GNPTAB: variants seen among roughly 807,000 people sequenced by gnomAD.
GNPTAB encodes the protein N-acetylglucosamine-1-phosphate transferase subunits alpha and beta.
In GNPTAB, 92 loss-of-function variants were observed where a neutral mutation model predicts 136.6. The ratio of observed to expected loss-of-function variants is 0.67; its 90% CI spans 0.57 to 0.80. The LOEUF is 0.80. GNPTAB is among the 30% of genes least tolerant of loss of function. The pLI is 0.00. For missense variants in GNPTAB, 1,343 were observed against 1,501.8 expected, an observed-to-expected ratio of 0.89 and a Z score of 1.75; for synonymous variants, 512 against 535.1, an observed-to-expected ratio of 0.96 and a Z score of 0.60.
rs769293566 is a variant in GNPTAB at position 101,766,294 on chromosome 12, C to G, written c.1409G>C (p.Gly470Ala). Reference sequence around the variant, plus strand: ...AATATAGCGACTCCCTCCACTGTTTCCTGTAGATCGGAGGAAGAAGAGGGA... The same window carrying G: ...AATATAGCGACTCCCTCCACTGTTTGCTGTAGATCGGAGGAAGAAGAGGGA... ...ACDWDGGDCS[G>A]NSGGSRYIAG... Residue 470 changes from glycine to alanine, a missense_variant and splice_region_variant, in exon 12 of 21, where the codon GGA becomes GCA. Gly to Ala is a moderately conservative substitution (Grantham distance 60, BLOSUM62 0). Coordinates refer to ENST00000299314, the MANE Select transcript of GNPTAB (RefSeq NM_024312.5). 2.5e-6 allele frequency: 4 copies of G among 1,612,782 alleles called. No homozygotes were observed. The South Asian group carries it at 3.3e-5, about 13-fold the overall frequency.
rs1267811873 is a variant in GNPTAB at position 101,780,189 on chromosome 12, G to A, written c.734C>T (p.Thr245Ile). 3.7e-6 allele frequency: 6 copies of A among 1,613,710 alleles called. No homozygotes were observed. Among genetic ancestry groups the A allele is most frequent in the Non-Finnish European group, 5.1e-6 (6 of 1,179,638 alleles). ...AGAGGAAAGATTTTCTGGCAATTTT[G>A]TTTTTAGTTGATTTGTTTCCTTGAA... ...PTFKETNQLKTKLPENLSSKV... is the reference protein window; with the variant it reads ...PTFKETNQLKIKLPENLSSKV... The change falls in exon 7 of 21, where the codon ACA becomes ATA. Residue 245 changes from threonine (T) to isoleucine (I), a missense_variant. Transcript: ENST00000299314.
chr12:101,779,807 G>A (rs1566082467), intron 7 of GNPTAB: 3 of 324,964 alleles, frequency 9.2e-6, no homozygotes, highest in Non-Finnish European at 1.8e-5. Context: ...AGACATTGTA[G>A]GAGCTCGTCT....
At chr12:101,795,697 G>A (rs1310637386) in intron 2 of GNPTAB, among the ~76,000 whole-genome samples, 1 of 151,788 alleles carries the variant, frequency 6.6e-6, no homozygotes, top group Non-Finnish European at 1.5e-5. Flanking sequence ...AGGTTGCAGT[G>A]AGCCGAAATC....
Position 101,765,087 on chromosome 12 carries a change from T to G in GNPTAB, c.1830A>C (p.Thr610=), listed in dbSNP as rs769434316. 5 of 1,614,186 alleles carry G rather than the reference T, an allele frequency of 3.1e-6. No homozygotes were observed. Among genetic ancestry groups the G allele is most frequent in the Non-Finnish European group, 4.2e-6 (5 of 1,179,996 alleles). Residue 610 remains threonine, a synonymous_variant, in exon 13 of 21, where the codon ACA becomes ACC. Transcript: ENST00000299314. The part of the protein sequence containing the change: ...LIMHSGMNAT[T]IHFNLTFQNT... ...TTTGAAACGTGAGATTAAAATGTAT[T>G]GTGGTGGCATTCATTCCACTGTGCA...
At chr12:101,789,681 A>C (rs1181269721) in intron 3 of GNPTAB, among the ~76,000 whole-genome samples, 2 of 152,120 alleles carry the variant, frequency 1.3e-5, no homozygotes, top group Non-Finnish European at 2.9e-5. Context: ...ATGAAGTCTC[A>C]CTATGTTGCC....
In GNPTAB at chr12:101,823,085, G is replaced by C. The variant is rs113208526; in HGVS notation, c.117+7474C>G. ...ATAAGCATAACTGGGACCAATGCCA[G>C]GAAAGGACTGCTGAGGTCCTGGGTC... is the stretch of plus-strand genomic sequence containing the variant. On this transcript the variant is annotated intron_variant, in intron 1 of 20. Transcript: ENST00000299314. Among the ~76,000 whole-genome samples, 408 of 152,330 alleles carry C rather than the reference G, an allele frequency of 2.7e-3. 2 individuals are homozygous for C. The highest frequency in any genetic ancestry group is 9.6e-3 in the African/African-American group (398 of 41,580).
chr12:101,777,068 T>C (rs1953271720), intron 7 of GNPTAB, among the ~76,000 whole-genome samples: 1 of 152,236 alleles, frequency 6.6e-6, no homozygotes, highest in Admixed American at 6.5e-5. Context: ...GTGTGGTTAA[T>C]TCCATCACTT....
At chr12:101,771,192 C>G (rs1381205190) in intron 7 of GNPTAB, 35 bp from the exon 8 acceptor site, 1 of 1,571,018 alleles carries the variant, frequency 6.4e-7, no homozygotes, top group East Asian at 2.2e-5. Flanking sequence ...CATGAAAAGA[C>G]TGAATCTCAA....
chr12:101,790,032 C>G lies in GNPTAB; in HGVS notation c.229G>C (p.Val77Leu), dbSNP rs985184620. The part of the protein sequence containing the change: ...NRLCLPMPID[V>L]VYTWVNGTDL... ...GTGCCATTCACCCAGGTGTAAACAACGTCAATCGGCATGGGCAGACAAAGC... is the reference window on the plus strand; with the variant it reads ...GTGCCATTCACCCAGGTGTAAACAAGGTCAATCGGCATGGGCAGACAAAGC... The change falls in exon 3 of 21, where the codon GTT becomes CTT. Residue 77 changes from valine (V) to leucine (L), a missense_variant. By Grantham distance (32) the Val-to-Leu change is conservative. Coordinates refer to ENST00000299314, the MANE Select transcript of GNPTAB (RefSeq NM_024312.5). 3 of 1,614,162 alleles carry G rather than the reference C, an allele frequency of 1.9e-6. No individual in the cohort carries two copies. Among genetic ancestry groups the G allele is most frequent in the Non-Finnish European group, 2.5e-6 (3 of 1,179,998 alleles).
At position 101,813,631 on chromosome 12, in the gene GNPTAB, G is replaced by A. The variant is rs12319886; in HGVS notation, c.118-16869C>T. Among the ~76,000 whole-genome samples the A allele has an allele frequency of 3.6e-3, 553 of 152,224 alleles. 3 individuals are homozygous for A. The highest frequency in any genetic ancestry group is 0.013 in the African/African-American group (531 of 41,518). On this transcript the variant is annotated intron_variant, in intron 1 of 20. Coordinates refer to ENST00000299314, the MANE Select transcript of GNPTAB (RefSeq NM_024312.5). Reference sequence around the variant, plus strand: ...ATACAATATATTTCTTTTTTCTAACGTATGTTTCTTGTTAAATACTAGGAA... The same window carrying A: ...ATACAATATATTTCTTTTTTCTAACATATGTTTCTTGTTAAATACTAGGAA...
In GNPTAB at chr12:101,774,194, T is replaced by C. The variant is rs139470704; in HGVS notation, c.772-3037A>G. Reference sequence around the variant, plus strand: ...GGGTAGGCTACAACGACTGAGCAACTGGTGGATCAATTTGAGTCAAGGAAA... The same window carrying C: ...GGGTAGGCTACAACGACTGAGCAACCGGTGGATCAATTTGAGTCAAGGAAA... On this transcript the variant is annotated intron_variant, in intron 7 of 20. Transcript: ENST00000299314. Among the ~76,000 whole-genome samples the C allele has an allele frequency of 2.8e-4, 42 of 152,260 alleles. 2 individuals carry two copies. The East Asian group carries it at 6.8e-3, about 25-fold the overall frequency.
At chr12:101,829,447 T>C (rs1268079374) in intron 1 of GNPTAB, among the ~76,000 whole-genome samples, 4 of 152,176 alleles carry the variant, frequency 2.6e-5, no homozygotes, top group African/African-American at 9.7e-5. Context: ...ATGGAGCCAC[T>C]GCATTCCAGC....
chr12:101,795,817 T>C (rs1349369032), intron 2 of GNPTAB: 1 of 155,092 alleles, frequency 6.4e-6, no homozygotes, highest in Non-Finnish European at 1.4e-5. Flanking sequence ...AATTACTACA[T>C]TTTCTAAAAT....
intron 1 of GNPTAB, among the ~76,000 whole-genome samples, chr12:101,825,404 T>A (rs1031013304): frequency 2.0e-5 from 3 of 152,194 alleles, no homozygotes; most frequent in African/African-American, 7.2e-5. Flanking sequence ...AAAAGGGAAC[T>A]ATAAACGCTA....
intron 1 of GNPTAB, among the ~76,000 whole-genome samples, chr12:101,827,453 GTCCAACTCCTGACTTCAAGCAATCC>G (rs1871149781): frequency 6.6e-6 from 1 of 151,462 alleles, no homozygotes. Flanking sequence ...TCCCAGGCTT[GTCCAACTCCTGACTTCAAGCAATCC>G]TCCAGCCTTA....
In GNPTAB at chr12:101,749,123, ATAG is replaced by A. The variant is rs780241552; in HGVS notation, c.3668_3670del (p.Thr1223del). The A allele has an allele frequency of 6.2e-7, 1 of 1,608,776 alleles. No homozygotes were observed. Among genetic ancestry groups the A allele is most frequent in the Non-Finnish European group, 8.5e-7 (1 of 1,175,318 alleles). ...TACCTGCTCAGCAAAAAATGAGAAT[ATAG>A]TAAACATAATCAATGTTGCTAGTAC... On this transcript the variant is annotated inframe_deletion, in exon 20 of 21. Transcript: ENST00000299314.
chr12:101,765,302 G>C lies in GNPTAB; in HGVS notation c.1615C>G (p.His539Asp). The C allele has an allele frequency of 6.3e-7, 1 of 1,595,078 alleles. No individual in the cohort carries two copies. Among genetic ancestry groups the C allele is most frequent in the Non-Finnish European group, 8.6e-7 (1 of 1,163,198 alleles). The change falls in exon 13 of 21, where the codon CAT becomes GAT. Residue 539 changes from histidine (H) to aspartate (D), a missense_variant and splice_region_variant. His to Asp is a moderately conservative substitution (Grantham distance 81). Transcript: ENST00000299314. ...ATCACTTTATACAATTCATGAAAATGATCTAGAGGAAAAAACAGAAACATG... is the reference window on the plus strand; with the variant it reads ...ATCACTTTATACAATTCATGAAAATCATCTAGAGGAAAAAACAGAAACATG... ...GFDAGDCGQD[H>D]FHELYKVILL...
chr12:101,765,136 T>C lies in GNPTAB; in HGVS notation c.1781A>G (p.Lys594Arg). 6.2e-7 allele frequency: 1 copy of C among 1,614,232 alleles called. No individual in the cohort carries two copies. ...PIIRHASIAN[K>R]WKTIHLIMHS... ...CATTATGAGGTGGATGGTTTTCCAC[T>C]TGTTGGCAATAGAAGCATGTCGAAT... Residue 594 changes from lysine (K) to arginine (R), a missense_variant, in exon 13 of 21, where the codon AAG becomes AGG. Lys to Arg is a conservative substitution (Grantham distance 26). Coordinates refer to ENST00000299314, the MANE Select transcript of GNPTAB (RefSeq NM_024312.5).
chr12:101,800,628 A>G (rs894457040), intron 1 of GNPTAB, among the ~76,000 whole-genome samples: 1 of 123,510 alleles, frequency 8.1e-6, no homozygotes, highest in Admixed American at 8.0e-5. Flanking sequence ...AAAAAAAAAA[A>G]TCAGCCAGGC....
Sources: allele counts gnomAD v4.1 joint callset (sites outside exome capture counted in the v4.1 genomes callset), GRCh38; gene constraint gnomAD v4.1.1; transcripts MANE v1.5; gene names NCBI Gene and HGNC (gene_info 2026-07-23, HGNC 2026-07-21).